The following DMD variants were observed in gnomAD, a reference collection of about 807,000 sequenced individuals.
DMD encodes dystrophin.
DMD carries 63 observed loss-of-function variants against 330.1 expected under a neutral mutation model. That is an observed-to-expected ratio of 0.19 (90% CI 0.16 to 0.24). The LOEUF is 0.24. Ranked by LOEUF, DMD falls within the 10% of genes least tolerant of loss-of-function variation. DMD has a pLI of 1.00. For missense variants in DMD, 3,344 were observed against 2,684.1 expected (o/e 1.25, Z -5.43); for synonymous variants, 1,223 against 959.8 (o/e 1.27, Z -5.07).
At chrX:32,773,684 G>C (rs888924291) in intron 7 of DMD, among the ~76,000 whole-genome samples, 1 of 109,743 alleles carries the variant, frequency 9.1e-6, no homozygotes, top group Non-Finnish European at 1.9e-5. Flanking sequence ...CTCTGTGCCT[G>C]GTTGATTTCA....
intron 9 of DMD, among the ~76,000 whole-genome samples, chrX:32,693,731 C>A (rs768040083): frequency 8.9e-6 from 1 of 112,282 alleles, no homozygotes; most frequent in East Asian, 2.8e-4. Flanking sequence ...TGAGCCACTA[C>A]ACCCAGCTCG....
At chrX:31,148,473 C>A (rs957007214) in intron 74 of DMD, among the ~76,000 whole-genome samples, 2 of 112,040 alleles carry the variant, frequency 1.8e-5, no homozygotes, top group Admixed American at 1.9e-4. Context: ...TAGGTTGTTT[C>A]CAACTTTTCA....
At chrX:32,628,258 AT>A (rs1170760390) in intron 11 of DMD, among the ~76,000 whole-genome samples, 159 of 15,340 alleles carry the variant, frequency 0.01, no homozygotes, top group Non-Finnish European at 0.016. Flanking sequence ...AGTTGTTTTA[AT>A]TTTTTTTTTT....
At chrX:32,994,363 C>T (rs1302489305) in intron 2 of DMD, among the ~76,000 whole-genome samples, 2 of 109,114 alleles carry the variant, frequency 1.8e-5, no homozygotes, top group Non-Finnish European at 3.8e-5. Context: ...ATTGTTTAAT[C>T]ATTTGAACTT....
chrX:32,571,127 T>C (rs1043526351), intron 15 of DMD, among the ~76,000 whole-genome samples: 1 of 111,838 alleles, frequency 8.9e-6, no homozygotes. Context: ...ATCACCATTA[T>C]GATTGACCGT....
At chrX:32,176,787 T>C (rs1461963188) in intron 44 of DMD, among the ~76,000 whole-genome samples, 1 of 111,309 alleles carries the variant, frequency 9.0e-6, no homozygotes, top group African/African-American at 3.3e-5. Context: ...CCTTTCGTCC[T>C]GACATCCACA....
At chrX:32,642,107 GCTTATC>G (rs781251736) in intron 11 of DMD, among the ~76,000 whole-genome samples, 16 of 111,651 alleles carry the variant, frequency 1.4e-4, no homozygotes, top group African/African-American at 4.9e-4. Flanking sequence ...TTACATAATG[GCTTATC>G]ACATTAGAAT....
At chrX:32,881,383 G>A (rs779419599) in intron 2 of DMD, among the ~76,000 whole-genome samples, 87 of 112,196 alleles carry the variant, frequency 7.8e-4, no homozygotes, top group African/African-American at 2.6e-3. Context: ...GTATACTTAC[G>A]CAATGTTAGG....
chrX:31,704,200 T>A (rs1486238556), intron 52 of DMD, among the ~76,000 whole-genome samples: 1 of 112,094 alleles, frequency 8.9e-6, no homozygotes. Context: ...AATGAACTTT[T>A]AAAATTAGTA....
chrX:31,168,297 G>C (rs2039634566), intron 74 of DMD, among the ~76,000 whole-genome samples: 1 of 111,637 alleles, frequency 9.0e-6, no homozygotes. Context: ...TAAGAAGCTT[G>C]ATTTTTTTCT....
intron 41 of DMD, among the ~76,000 whole-genome samples, chrX:32,325,348 T>C (rs2097645779): frequency 9.0e-6 from 1 of 111,594 alleles, no homozygotes; most frequent in East Asian, 2.8e-4. Context: ...AGCTCTGAAC[T>C]AGCACTAAAG....
intron 2 of DMD, among the ~76,000 whole-genome samples, chrX:32,973,800 G>T (rs1050399638): frequency 1.8e-5 from 2 of 111,652 alleles, no homozygotes; most frequent in Admixed American, 1.9e-4. Context: ...AAGTAAGTGG[G>T]ATACCCTGCC....
intron 43 of DMD, among the ~76,000 whole-genome samples, chrX:32,284,156 C>T (rs1227234749): frequency 9.0e-6 from 1 of 111,629 alleles, no homozygotes; most frequent in East Asian, 2.8e-4. Context: ...CCTATTGATT[C>T]CATGAGGTAT....
intron 7 of DMD, among the ~76,000 whole-genome samples, chrX:32,800,865 C>A (rs1476231492): frequency 9.0e-6 from 1 of 111,350 alleles, no homozygotes; most frequent in Non-Finnish European, 1.9e-5. Context: ...CACATCCCTG[C>A]AAAGGACATG....
Position 31,687,299 on chromosome X carries a change from G to A in DMD, c.7661-7713C>T, listed in dbSNP as rs1265271482. Among the ~76,000 whole-genome samples the A allele has an allele frequency of 5.4e-5, 6 of 110,212 alleles. 1 individual carries two copies. The highest frequency in any genetic ancestry group is 2.0e-4 in the African/African-American group (6 of 30,251). ...GAGAAAAGTAGACAGAAAAGTAAAG[G>A]GGACTTTGTCTTGCCCCTTAGGTAC... On this transcript the variant is annotated intron_variant, in intron 52 of 78. Transcript: ENST00000357033.
chrX:31,655,874 G>A (rs1257619351), intron 54 of DMD, among the ~76,000 whole-genome samples: 2 of 111,792 alleles, frequency 1.8e-5, no homozygotes, highest in Admixed American at 9.5e-5. Context: ...ACGGAAGCAC[G>A]AAAAGGACTA....
In DMD at chrX:32,863,509, C is replaced by CAAA. The variant is rs544421635; in HGVS notation, c.94-13692_94-13690dup. 3.7e-4 allele frequency among the ~76,000 whole-genome samples: 18 copies of CAAA among 49,079 alleles called. 1 individual carries two copies. The highest frequency in any genetic ancestry group is 1.0e-3 in the African/African-American group (8 of 7,805). The allele number at this position is 49,079 out of a possible 115,157, so 42.6% of individuals were successfully genotyped here. A position where few individuals can be genotyped will look rare whatever the true frequency, so the allele number is the denominator to read the frequency against. ...TGGGTGGCAGAGTGAGACTCCGTCT[C>CAAA]AAAAAAAAAAAAAAAAGATTGTGTT... On this transcript the variant is annotated intron_variant, in intron 2 of 78. Transcript: ENST00000357033.
intron 18 of DMD, among the ~76,000 whole-genome samples, chrX:32,502,990 T>C (rs914632867): frequency 8.9e-6 from 1 of 111,915 alleles, no homozygotes; most frequent in African/African-American, 3.2e-5. Flanking sequence ...AATAAAAGAA[T>C]ATTTAATTTA....
At chrX:32,510,716 G>T (rs2045207394) in intron 18 of DMD, among the ~76,000 whole-genome samples, 1 of 111,289 alleles carries the variant, frequency 9.0e-6, no homozygotes, top group Non-Finnish European at 1.9e-5. Flanking sequence ...TATATAAAGT[G>T]GCCATAAAAC....
Sources: gnomAD v4.1 joint callset for allele counts (sites outside exome capture counted in the v4.1 genomes callset) on GRCh38, gnomAD v4.1.1 for gene constraint, MANE v1.5 for transcripts, NCBI Gene and HGNC (gene_info 2026-07-23, HGNC 2026-07-21) for gene names.